The following NTRK3 variants were observed in gnomAD, a reference collection of about 807,000 sequenced individuals.
NTRK3 encodes neurotrophic receptor tyrosine kinase 3.
A neutral mutation model predicts 91.7 loss-of-function variants in NTRK3; 24 were observed. The ratio of observed to expected loss-of-function variants is 0.26; its 90% CI spans 0.19 to 0.37. NTRK3 has a LOEUF of 0.37. Among genes scored for constraint, NTRK3 ranks in the 10% least tolerant of loss-of-function variants. NTRK3 has a pLI of 1.00. For missense variants in NTRK3, 880 were observed against 1,068.9 expected, an observed-to-expected ratio of 0.82 and a Z score of 2.46; for synonymous variants, 483 against 404.0, an observed-to-expected ratio of 1.20 and a Z score of -2.34.
At chr15:88,128,406 C>G (rs1215945240) in intron 11 of NTRK3, among the ~76,000 whole-genome samples, 1 of 152,154 alleles carries the variant, frequency 6.6e-6, no homozygotes, top group Non-Finnish European at 1.5e-5. Context: ...TATTGAGGCA[C>G]ATGAAACCCA....
At chr15:87,938,016 C>A (rs927441332) in intron 15 of NTRK3, among the ~76,000 whole-genome samples, 1 of 151,762 alleles carries the variant, frequency 6.6e-6, no homozygotes, top group East Asian at 1.9e-4. Context: ...CCCTCCTCTG[C>A]AAAGGAAGGG....
intron 6 of NTRK3, 92 bp downstream of exon 6, chr15:88,147,243 C>A (rs889710943): frequency 8.4e-7 from 1 of 1,193,930 alleles, no homozygotes; most frequent in Non-Finnish European, 1.2e-6. Flanking sequence ...GATGTATGCT[C>A]AGCCTTCAGG....
chr15:87,986,033 C>T (rs553803167), intron 14 of NTRK3, among the ~76,000 whole-genome samples: 1 of 152,186 alleles, frequency 6.6e-6, no homozygotes, highest in African/African-American at 2.4e-5. Flanking sequence ...AATCATAATA[C>T]TTCATAAGCC....
intron 14 of NTRK3, among the ~76,000 whole-genome samples, chr15:88,025,807 A>G (rs1453119647): frequency 6.6e-6 from 1 of 152,174 alleles, no homozygotes; most frequent in Non-Finnish European, 1.5e-5. Context: ...TCACTAAGTG[A>G]GGAAATAAAA....
At chr15:88,107,164 C>A (rs997032089) in intron 13 of NTRK3, among the ~76,000 whole-genome samples, 1 of 151,976 alleles carries the variant, frequency 6.6e-6, no homozygotes, top group Non-Finnish European at 1.5e-5. Context: ...AGTCCACAGG[C>A]CAGGTGCAGT....
intron 3 of NTRK3, among the ~76,000 whole-genome samples, chr15:88,188,326 C>T (rs1057379540): frequency 4.6e-5 from 7 of 152,188 alleles, no homozygotes; most frequent in East Asian, 3.9e-4. Context: ...CAAAGGGAGG[C>T]GATTTTGCCC....
At chr15:88,032,601 T>C (rs944001599) in intron 14 of NTRK3, among the ~76,000 whole-genome samples, 1 of 151,980 alleles carries the variant, frequency 6.6e-6, no homozygotes, top group Non-Finnish European at 1.5e-5. Flanking sequence ...GCACCCAGGG[T>C]CCTGCTGAGC....
chr15:88,183,387 C>T (rs2046681862), intron 5 of NTRK3, 31 bp downstream of exon 5: 2 of 1,609,918 alleles, frequency 1.2e-6, no homozygotes, highest in African/African-American at 1.3e-5. Context: ...CTGCCATGTG[C>T]CCCCAATCCC....
In NTRK3 at chr15:88,212,689, T is replaced by C. The variant is rs576041896; in HGVS notation, c.249-28390A>G. Among the ~76,000 whole-genome samples, 5 of 149,324 alleles carry C rather than the reference T, an allele frequency of 3.3e-5. No individual in the cohort carries two copies. The South Asian group carries it at 1.0e-3, about 31-fold the overall frequency. ...GGTAGATACTTCATGGAAGCTGTTT[T>C]GGCTGCTGCATCACACACACACACA... On this transcript the variant is annotated intron_variant, in intron 3 of 18. Transcript: ENST00000394480.
chr15:88,010,787 A>G (rs2076826710), intron 14 of NTRK3, among the ~76,000 whole-genome samples: 1 of 151,972 alleles, frequency 6.6e-6, no homozygotes, highest in Non-Finnish European at 1.5e-5. Flanking sequence ...GTATTATCAC[A>G]CTAGAAGCAA....
chr15:87,931,930 C>T (rs140597690), intron 16 of NTRK3, among the ~76,000 whole-genome samples: 374 of 152,320 alleles, frequency 2.5e-3, no homozygotes, highest in Non-Finnish European at 4.1e-3. Flanking sequence ...CAATGAGATT[C>T]AAATTGTGGT....
chr15:88,033,014 G>C, exon 14 of NTRK3: 1 of 1,602,076 alleles, frequency 6.2e-7, no homozygotes, highest in Middle Eastern at 1.7e-4. Flanking sequence ...GGCTGGCTGA[G>C]TCCTCCTCAC....
At chr15:88,112,235 A>T (rs2051489992) in intron 13 of NTRK3, among the ~76,000 whole-genome samples, 1 of 152,156 alleles carries the variant, frequency 6.6e-6, no homozygotes, top group Non-Finnish European at 1.5e-5. Flanking sequence ...CCATTATTTC[A>T]GTTAATCCAA....
At chr15:87,879,960 T>A (rs1033739558) in intron 18 of NTRK3, among the ~76,000 whole-genome samples, 1 of 152,178 alleles carries the variant, frequency 6.6e-6, no homozygotes, top group African/African-American at 2.4e-5. Context: ...GAAAAACTCA[T>A]AGCTGTTCTG....
At chr15:88,138,593 C>G (rs2042099103) in intron 6 of NTRK3, among the ~76,000 whole-genome samples, 1 of 152,164 alleles carries the variant, frequency 6.6e-6, no homozygotes, top group Non-Finnish European at 1.5e-5. Context: ...ACCTTGGTGT[C>G]TGCAAGGTCA....
exon 19 of NTRK3, chr15:87,873,216 TC>T (rs1000065704): frequency 1.1e-4 from 26 of 231,492 alleles, no homozygotes; most frequent in Non-Finnish European, 4.3e-5. Flanking sequence ...GGACCAAAGA[TC>T]CTTTGCCTCA....
intron 13 of NTRK3, among the ~76,000 whole-genome samples, chr15:88,073,364 C>G (rs746534515): frequency 6.6e-6 from 1 of 152,174 alleles, no homozygotes; most frequent in Non-Finnish European, 1.5e-5. Flanking sequence ...AGGTCAGCAG[C>G]AGCAGCATCA....
chr15:87,975,805 T>G (rs972730264), intron 14 of NTRK3, among the ~76,000 whole-genome samples: 10 of 152,178 alleles, frequency 6.6e-5, no homozygotes, highest in African/African-American at 2.4e-4. Flanking sequence ...CAACTCTCCT[T>G]GGGTCTTCTC....
exon 19 of NTRK3, chr15:87,864,583 C>T (rs2141381730): frequency 4.3e-6 from 1 of 230,498 alleles, no homozygotes; most frequent in Non-Finnish European, 8.6e-6. Context: ...GAGGTCATCC[C>T]CTCCAGATTA....
Sources: gnomAD v4.1 joint callset for allele counts (sites outside exome capture counted in the v4.1 genomes callset) on GRCh38, gnomAD v4.1.1 for gene constraint, MANE v1.5 for transcripts, NCBI Gene and HGNC (gene_info 2026-07-23, HGNC 2026-07-21) for gene names.